Variants in MEIS1 observed in about 807,000 individuals in gnomAD.
MEIS1 encodes the protein Meis homeobox 1.
In MEIS1, 5 loss-of-function variants were observed where a neutral mutation model predicts 50.8. The observed-to-expected ratio is 0.10, with a 90% CI of 0.05 to 0.21. The LOEUF is 0.21. Among genes scored for constraint, MEIS1 ranks in the 10% least tolerant of loss-of-function variants. The probability of loss-of-function intolerance (pLI) is 1.00; values close to 1 mark genes in which losing one functional copy is unlikely to be tolerated. For synonymous variants in MEIS1, 176 were observed against 179.3 expected, an observed-to-expected ratio of 0.98 and a Z score of 0.15; for missense variants, 318 against 517.3, an observed-to-expected ratio of 0.61 and a Z score of 3.74.
At chr2:66,548,094 A>G in intron 9 of MEIS1, 75 bp downstream of exon 9, 3 of 1,442,626 alleles carry the variant, frequency 2.1e-6, no homozygotes, top group South Asian at 2.4e-5. Flanking sequence ...TTTTGCATTA[A>G]GAAGACACAC....
chr2:66,554,951 T>C (rs1285941191), intron 9 of MEIS1, among the ~76,000 whole-genome samples: 1 of 152,224 alleles, frequency 6.6e-6, no homozygotes, highest in Non-Finnish European at 1.5e-5. Context: ...ATAATAAAGA[T>C]AAATCAGTTG....
chr2:66,487,768 T>C (rs915523959), intron 7 of MEIS1, among the ~76,000 whole-genome samples: 3 of 152,232 alleles, frequency 2.0e-5, no homozygotes, highest in African/African-American at 7.2e-5. Flanking sequence ...AGCTAGGTGA[T>C]TGAATGTTTC....
intron 6 of MEIS1, among the ~76,000 whole-genome samples, chr2:66,455,703 C>T (rs1326358056): frequency 6.6e-6 from 1 of 152,146 alleles, no homozygotes; most frequent in Non-Finnish European, 1.5e-5. Flanking sequence ...CATAGCAGCC[C>T]AGCGCCTGAG....
intron 8 of MEIS1, among the ~76,000 whole-genome samples, chr2:66,515,619 G>A (rs975738744): frequency 2.0e-5 from 3 of 152,098 alleles, no homozygotes; most frequent in Admixed American, 2.0e-4. Context: ...AAAAGGAAAC[G>A]AGTTTTAAAC....
At chr2:66,448,198 T>C (rs888361628) in intron 6 of MEIS1, among the ~76,000 whole-genome samples, 19 of 152,170 alleles carry the variant, frequency 1.2e-4, no homozygotes, top group Admixed American at 1.2e-3. Context: ...AACTGAAATA[T>C]CATGCTAGAA....
chr2:66,567,310 C>A, intron 9 of MEIS1, 143 bp from the exon 10 acceptor site: 1 of 815,304 alleles, frequency 1.2e-6, no homozygotes. Flanking sequence ...CGTGAGGCTG[C>A]ACATAGAGCA....
chr2:66,474,856 A>G (rs1433730387), intron 7 of MEIS1, among the ~76,000 whole-genome samples: 1 of 152,196 alleles, frequency 6.6e-6, no homozygotes, highest in African/African-American at 2.4e-5. Context: ...TTATTTCCAT[A>G]TTAGAAGAAA....
At chr2:66,534,626 C>A (rs1348885851) in intron 8 of MEIS1, among the ~76,000 whole-genome samples, 6 of 152,098 alleles carry the variant, frequency 3.9e-5, no homozygotes, top group African/African-American at 1.2e-4. Flanking sequence ...GACTTCATGA[C>A]CACGTTCCTG....
At chr2:66,503,104 A>G (rs1053663816) in intron 7 of MEIS1, among the ~76,000 whole-genome samples, 1 of 152,198 alleles carries the variant, frequency 6.6e-6, no homozygotes, top group African/African-American at 2.4e-5. Context: ...TCATGATTTA[A>G]TCAGGTGATT....
rs201132191 is a variant in MEIS1 at position 66,451,077 on chromosome 2, GA to G, written c.630+8031del. ...AAGAATGTTACTCACTTCAAAACAG[GA>G]ATGAATAGAGGCCAAAGTCATCAAA... On this transcript the variant is annotated intron_variant, in intron 6 of 12. Transcript: ENST00000272369. Among the ~76,000 whole-genome samples, 468 of 152,228 alleles carry G rather than the reference GA, an allele frequency of 3.1e-3. 1 individual carries two copies. Among genetic ancestry groups the G allele is most frequent in the African/African-American group, 0.01 (423 of 41,558 alleles).
chr2:66,558,105 C>T (rs919213298), intron 9 of MEIS1, among the ~76,000 whole-genome samples: 2 of 151,796 alleles, frequency 1.3e-5, no homozygotes, highest in Non-Finnish European at 2.9e-5. Flanking sequence ...CATAGAAAAA[C>T]CCCGTCTCTA....
Position 66,568,751 on chromosome 2 carries a change from C to T in MEIS1, c.1109C>T (p.Ala370Val). The T allele has an allele frequency of 1.2e-6, 2 of 1,613,374 alleles. No individual in the cohort carries two copies. Among genetic ancestry groups the T allele is most frequent in the Non-Finnish European group, 1.7e-6 (2 of 1,179,346 alleles). Residue 370 changes from alanine (A) to valine (V), a missense_variant, in exon 11 of 13, where the codon GCA becomes GTA. Ala to Val is a moderately conservative substitution (Grantham distance 64). Coordinates refer to ENST00000272369, the MANE Select transcript of MEIS1 (RefSeq NM_002398.3). ...GGTCAGCAACATATGGGAATTAGAG[C>T]ACCAGGTAAGACTTTGTTTTTGTGG... The part of the protein sequence containing the change: ...MDGQQHMGIR[A>V]PGPMSGMGMN...
chr2:66,497,845 T>C (rs1486536876), intron 7 of MEIS1, among the ~76,000 whole-genome samples: 1 of 152,174 alleles, frequency 6.6e-6, no homozygotes, highest in Non-Finnish European at 1.5e-5. Flanking sequence ...CTTGTACTAG[T>C]AAAAATTGCT....
In MEIS1 at chr2:66,441,384, G is replaced by A. The variant is rs775476198; in HGVS notation, c.433-30G>A. On this transcript the variant is annotated intron_variant, in intron 4 of 12. Coordinates refer to ENST00000272369, the MANE Select transcript of MEIS1 (RefSeq NM_002398.3). ...AGCCAGTTTTCTGCAAGCCAGGAAT[G>A]GGGTGCTTATTGTTTTTGTATCTTT... 14 of 1,537,272 alleles carry A rather than the reference G, an allele frequency of 9.1e-6. No individual in the cohort carries two copies. The East Asian group carries it at 9.7e-5, about 11-fold the overall frequency.
chr2:66,442,279 A>G, intron 5 of MEIS1, among the ~76,000 whole-genome samples: 1 of 151,202 alleles, frequency 6.6e-6, no homozygotes, highest in South Asian at 2.1e-4. Flanking sequence ...GTAAAAAAAA[A>G]AAAAAAAAAA....
At chr2:66,505,787 T>C (rs1490789794) in intron 7 of MEIS1, among the ~76,000 whole-genome samples, 1 of 152,258 alleles carries the variant, frequency 6.6e-6, no homozygotes, top group Admixed American at 6.5e-5. Flanking sequence ...TGAAAGGCTA[T>C]GGTAGACATC....
At chr2:66,479,029 C>G (rs1672958808) in intron 7 of MEIS1, among the ~76,000 whole-genome samples, 1 of 152,202 alleles carries the variant, frequency 6.6e-6, no homozygotes, top group African/African-American at 2.4e-5. Context: ...TAAATGTACT[C>G]AAATCATAAT....
At chr2:66,467,732 T>C (rs904404861) in intron 7 of MEIS1, among the ~76,000 whole-genome samples, 2 of 152,208 alleles carry the variant, frequency 1.3e-5, no homozygotes, top group African/African-American at 4.8e-5. Flanking sequence ...TATCTTTCCC[T>C]CAATTCAAAT....
intron 6 of MEIS1, 178 bp downstream of exon 6, chr2:66,443,226 C>T (rs370702991): frequency 4.0e-5 from 26 of 649,640 alleles, no homozygotes; most frequent in East Asian, 3.0e-4. Context: ...TTAAGGCTGG[C>T]TCTGGGATTC....
Sources: allele counts gnomAD v4.1 joint callset (sites outside exome capture counted in the v4.1 genomes callset), GRCh38; gene constraint gnomAD v4.1.1; transcripts MANE v1.5; gene names NCBI Gene and HGNC (gene_info 2026-07-23, HGNC 2026-07-21).